The following SSH2 variants were observed in gnomAD, a reference collection of about 807,000 sequenced individuals.
SSH2 encodes protein phosphatase Slingshot homolog 2.
Under a neutral mutation model 135.2 loss-of-function variants are expected in SSH2, and 37 were observed. The observed-to-expected ratio is 0.27, with a 90% confidence interval of 0.21 to 0.36. SSH2 has a LOEUF of 0.36. Among genes scored for constraint, SSH2 ranks in the 10% least tolerant of loss-of-function variants. The probability of loss-of-function intolerance (pLI) is 1.00; values close to 1 mark genes in which losing one functional copy is unlikely to be tolerated. For missense variants in SSH2, 1,408 were observed against 1,765.3 expected (o/e 0.80, Z 3.63); for synonymous variants, 628 against 646.2 (o/e 0.97, Z 0.43).
intron 3 of SSH2, among the ~76,000 whole-genome samples, chr17:29,709,015 T>TATGTAGAGAGAGAGAG (rs780981175): frequency 1.2e-5 from 1 of 81,588 alleles, no homozygotes; most frequent in Non-Finnish European, 2.5e-5. Context: ...TATATATATA[T>TATGTAGAGAGAGAGAG]AGAGAGAGAG....
At position 29,667,130 on chromosome 17, in the gene SSH2, C is replaced by T. The variant is rs774114450; in HGVS notation, c.903G>A (p.Glu301=). The change falls in exon 10 of 16, where the codon GAG becomes GAA. Residue 301 remains glutamate (E), a splice_region_variant and synonymous_variant. Transcript: ENST00000540801. ...QKDLENITSK[E]IRTELEMQMV... ...CAAACAAGGACTCAAGGTCTCTTAC[C>T]TCTTTGGATGTAATATTCTCCAAAT... 28 of 1,611,442 alleles carry T rather than the reference C, an allele frequency of 1.7e-5. No individual in the cohort carries two copies. The South Asian group carries it at 2.6e-4, about 15-fold the overall frequency.
At chr17:29,654,094 C>T (rs1250959581) in intron 12 of SSH2, among the ~76,000 whole-genome samples, 1 of 152,132 alleles carries the variant, frequency 6.6e-6, no homozygotes, top group Non-Finnish European at 1.5e-5. Context: ...CTCTGAATTC[C>T]CAACACAGTT....
intron 3 of SSH2, among the ~76,000 whole-genome samples, chr17:29,723,490 G>A (rs1345155257): frequency 6.6e-6 from 1 of 152,176 alleles, no homozygotes; most frequent in Admixed American, 6.5e-5. Flanking sequence ...TGGCAATAGG[G>A]AAGCTGAAGA....
At chr17:29,729,824 TA>T (rs2040120103) in intron 3 of SSH2, among the ~76,000 whole-genome samples, 1 of 150,552 alleles carries the variant, frequency 6.6e-6, no homozygotes, top group Non-Finnish European at 1.5e-5. Flanking sequence ...TTGTGGGAGC[TA>T]AAAATGAAAA....
At chr17:29,698,110 C>A (rs1278745472) in intron 4 of SSH2, among the ~76,000 whole-genome samples, 1 of 152,114 alleles carries the variant, frequency 6.6e-6, no homozygotes, top group Non-Finnish European at 1.5e-5. Context: ...CATATGAATC[C>A]ATTTACAGAA....
At chr17:29,768,822 G>C (rs192249083) in intron 3 of SSH2, among the ~76,000 whole-genome samples, 27 of 152,186 alleles carry the variant, frequency 1.8e-4, no homozygotes, top group Middle Eastern at 3.4e-3. Flanking sequence ...GTGATTTTGG[G>C]AGTAACAAAG....
At chr17:29,660,274 T>C (rs1434424004) in intron 11 of SSH2, among the ~76,000 whole-genome samples, 1 of 151,842 alleles carries the variant, frequency 6.6e-6, no homozygotes, top group African/African-American at 2.4e-5. Context: ...CTCTCCTTTT[T>C]TTTTTTTTTT....
At chr17:29,868,819 T>C (rs1039643548) in intron 1 of SSH2, among the ~76,000 whole-genome samples, 1 of 151,360 alleles carries the variant, frequency 6.6e-6, no homozygotes, top group East Asian at 1.9e-4. Flanking sequence ...GCCTGCAGAA[T>C]CCTCCCCGTT....
intron 3 of SSH2, among the ~76,000 whole-genome samples, chr17:29,788,387 G>A (rs191018315): frequency 5.8e-4 from 88 of 152,084 alleles, no homozygotes; most frequent in South Asian, 1.9e-3. Flanking sequence ...TTCTATTTTC[G>A]GACTCAGACT....
At chr17:29,647,693 T>C (rs1389785395) in intron 14 of SSH2, 1 of 157,972 alleles carries the variant, frequency 6.3e-6, no homozygotes. Context: ...AGATGTTGTT[T>C]CGCTCTGTTA....
At chr17:29,793,960 A>C (rs779902052) in intron 2 of SSH2, 23 bp from the exon 3 acceptor site, 1 of 1,592,054 alleles carries the variant, frequency 6.3e-7, no homozygotes, top group Admixed American at 1.7e-5. Context: ...AAAATGAAAA[A>C]AAAAATTAAA....
At chr17:29,749,033 CG>C (rs928451727) in intron 3 of SSH2, among the ~76,000 whole-genome samples, 2 of 152,002 alleles carry the variant, frequency 1.3e-5, no homozygotes, top group African/African-American at 4.8e-5. Flanking sequence ...AATATTATTC[CG>C]TAGATATAAA....
intron 1 of SSH2, among the ~76,000 whole-genome samples, chr17:29,859,800 T>C (rs2065729308): frequency 6.6e-6 from 1 of 152,152 alleles, no homozygotes; most frequent in African/African-American, 2.4e-5. Context: ...TTCCTTTGGG[T>C]ATATATCCAG....
intron 2 of SSH2, among the ~76,000 whole-genome samples, chr17:29,823,731 T>C (rs1171695893): frequency 6.6e-6 from 1 of 151,854 alleles, no homozygotes; most frequent in African/African-American, 2.4e-5. Flanking sequence ...ATACAAAAAT[T>C]AGCTGAGTGT....
chr17:29,788,662 C>A (rs7218690), intron 3 of SSH2, among the ~76,000 whole-genome samples: 22,362 of 150,966 alleles, frequency 0.15, 4,310 homozygotes, highest in African/African-American at 0.45. Flanking sequence ...CTCCCTCTCT[C>A]TATATATATC....
At chr17:29,837,115 G>C (rs1305687396) in intron 2 of SSH2, among the ~76,000 whole-genome samples, 1 of 152,120 alleles carries the variant, frequency 6.6e-6, no homozygotes, top group Admixed American at 6.5e-5. Flanking sequence ...AAATTAGCCA[G>C]GTGTGGTGGC....
intron 3 of SSH2, among the ~76,000 whole-genome samples, chr17:29,768,715 C>G (rs2041503199): frequency 6.6e-6 from 1 of 152,116 alleles, no homozygotes; most frequent in African/African-American, 2.4e-5. Context: ...AATGATAATG[C>G]TGTAGAACTT....
intron 1 of SSH2, among the ~76,000 whole-genome samples, chr17:29,851,369 T>A (rs755946077): frequency 2.6e-5 from 4 of 151,776 alleles, no homozygotes; most frequent in Non-Finnish European, 5.9e-5. Flanking sequence ...GGCGGGTGGA[T>A]CACCTGAGGT....
At chr17:29,700,425 C>T (rs76257593) in intron 4 of SSH2, among the ~76,000 whole-genome samples, 9,300 of 152,230 alleles carry the variant, frequency 0.061, 547 homozygotes, top group African/African-American at 0.16. Context: ...ACATTTTCTA[C>T]GGTTCTTTTA....
Sources: gnomAD v4.1 joint callset for allele counts (sites outside exome capture counted in the v4.1 genomes callset) on GRCh38, gnomAD v4.1.1 for gene constraint, MANE v1.5 for transcripts, NCBI Gene and HGNC (gene_info 2026-07-23, HGNC 2026-07-21) for gene names.